Variants in SMARCA2 observed in about 807,000 individuals in gnomAD.
SMARCA2 encodes the protein SWI/SNF-related matrix-associated actin-dependent regulator of chromatin subfamily A member 2.
SMARCA2 carries 61 observed loss-of-function variants against 199.8 expected under a neutral mutation model. The ratio of observed to expected loss-of-function variants is 0.31; its 90% CI spans 0.25 to 0.38. The LOEUF is 0.38. Ranked by LOEUF, SMARCA2 falls within the 10% of genes least tolerant of loss-of-function variation. SMARCA2 has a pLI of 1.00. For synonymous variants in SMARCA2, 935 were observed against 732.0 expected (o/e 1.28, Z -4.48); for missense variants, 1,344 against 2,012.2 (o/e 0.67, Z 6.35).
intron 33 of SMARCA2, 45 bp downstream of exon 33, chr9:2,191,453 C>G: frequency 1.2e-6 from 2 of 1,605,610 alleles, no homozygotes; most frequent in Non-Finnish European, 8.5e-7. Flanking sequence ...GCCCTCTCCC[C>G]TGCTTGCTGG....
chr9:2,081,339 A>G (rs1002772189), intron 14 of SMARCA2, among the ~76,000 whole-genome samples: 2 of 152,214 alleles, frequency 1.3e-5, no homozygotes, highest in African/African-American at 4.8e-5. Context: ...TCTCTCTGCC[A>G]GGAAGAGAAA....
At chr9:2,121,689 G>T (rs1823469370) in intron 26 of SMARCA2, among the ~76,000 whole-genome samples, 1 of 152,142 alleles carries the variant, frequency 6.6e-6, no homozygotes, top group African/African-American at 2.4e-5. Context: ...GTTTACACAT[G>T]ATAAGCAGAT....
intron 27 of SMARCA2, among the ~76,000 whole-genome samples, chr9:2,153,628 TTACTG>T (rs1205880000): frequency 5.9e-5 from 9 of 152,376 alleles, no homozygotes; most frequent in African/African-American, 2.2e-4. Context: ...ATATTTTAAA[TTACTG>T]TACTAAGCAA....
Position 2,170,691 on chromosome 9 carries a change from A to G in SMARCA2, c.4253+219A>G, listed in dbSNP as rs3793513. ...ATTTTAATCTGGCTGTGCCAATTCT[A>G]TACATGCACTCCTTACAAGGGTATT... is the stretch of plus-strand genomic sequence containing the variant. On this transcript the variant is annotated intron_variant, in intron 29 of 33. Coordinates refer to ENST00000349721, the MANE Select transcript of SMARCA2 (RefSeq NM_003070.5). This position sits in a 1 kb window ranked among gnomAD's most constrained non-coding sequence, Gnocchi z 4.7. Among the ~76,000 whole-genome samples, 346 of 152,262 alleles carry G rather than the reference A, an allele frequency of 2.3e-3. 9 individuals carry two copies. The East Asian group carries it at 0.061, about 27-fold the overall frequency.
Position 2,192,882 on chromosome 9 carries a change from C to CAAACATATGATATCATGGTGTA in SMARCA2, c.*147_*168dup, listed in dbSNP as rs1309006811. The CAAACATATGATATCATGGTGTA allele has an allele frequency of 1.5e-4, 97 of 664,534 alleles. No homozygotes were observed. The highest frequency in any genetic ancestry group is 2.4e-4 in the Non-Finnish European group (90 of 367,800). 41.2% of individuals were successfully genotyped at this position (664,534 alleles called of 1,614,324 possible). A position where few individuals can be genotyped will look rare whatever the true frequency, so the allele number is the denominator to read the frequency against. ...AAACTAGCTTTAGGATAGTGCCAGA[C>CAAACATATGATATCATGGTGTA]AAACATATGATATCATGGTGTAAAA... is the stretch of plus-strand genomic sequence containing the variant. On this transcript the variant is annotated 3_prime_UTR_variant, in exon 34 of 34. Transcript: ENST00000349721.
chr9:2,034,988 T>G (rs1011630392), intron 3 of SMARCA2, among the ~76,000 whole-genome samples: 11 of 151,946 alleles, frequency 7.2e-5, no homozygotes, highest in Non-Finnish European at 1.0e-4. Context: ...GCCAAGTATG[T>G]TCATGGAGCT....
chr9:2,176,294 G>A (rs1011320616), intron 29 of SMARCA2, among the ~76,000 whole-genome samples: 1 of 148,032 alleles, frequency 6.8e-6, no homozygotes, highest in Non-Finnish European at 1.5e-5. Flanking sequence ...ACTGTTAAAC[G>A]TTTTGGCTGC....
At chr9:2,082,965 A>G (rs1183242705) in intron 15 of SMARCA2, among the ~76,000 whole-genome samples, 2 of 152,090 alleles carry the variant, frequency 1.3e-5, no homozygotes, top group Non-Finnish European at 2.9e-5. Flanking sequence ...TTATGTTTTC[A>G]TGTGGTTTTA....
intron 22 of SMARCA2, 33 bp downstream of exon 22, chr9:2,101,649 A>C (rs752366445): frequency 1.6e-6 from 2 of 1,217,080 alleles, no homozygotes; most frequent in Non-Finnish European, 2.4e-6. Flanking sequence ...TTTTAAAAAA[A>C]AATGTTGTTG....
intron 19 of SMARCA2, among the ~76,000 whole-genome samples, chr9:2,090,465 A>G (rs1475080377): frequency 1.3e-5 from 2 of 152,146 alleles, no homozygotes; most frequent in Admixed American, 1.3e-4. Flanking sequence ...ATCTCTTACT[A>G]TGTGAACTTG....
chr9:2,149,516 CA>C (rs1248547857), intron 27 of SMARCA2, among the ~76,000 whole-genome samples: 1 of 151,200 alleles, frequency 6.6e-6, no homozygotes, highest in East Asian at 1.9e-4. Context: ...TGAGACTCCT[CA>C]AAAAAACAAC....
intron 28 of SMARCA2, chr9:2,162,717 G>C (rs1192205105): frequency 6.6e-6 from 1 of 152,154 alleles, no homozygotes; most frequent in Non-Finnish European, 1.5e-5. Flanking sequence ...GTTGCATAGT[G>C]GTATTAATCA....
At chr9:2,065,927 T>C (rs1308433574) in intron 9 of SMARCA2, among the ~76,000 whole-genome samples, 1 of 152,248 alleles carries the variant, frequency 6.6e-6, no homozygotes, top group East Asian at 1.9e-4. Context: ...CCTGTTTAAC[T>C]GGATTGACCA....
Position 2,097,265 on chromosome 9 carries a change from G to A in SMARCA2, c.2992-120G>A, listed in dbSNP as rs1262292137. 1.4e-5 allele frequency: 9 copies of A among 643,010 alleles called. 1 individual carries two copies. In the Admixed American group the frequency reaches 1.5e-4, roughly 11 times the overall value. The allele number at this position is 643,010 out of a possible 1,614,324, so 39.8% of individuals were successfully genotyped here. On this transcript the variant is annotated intron_variant, in intron 20 of 33. Coordinates refer to ENST00000349721, the MANE Select transcript of SMARCA2 (RefSeq NM_003070.5). ...AAAGAAGCTTTGAACCACAAGGTGTGTAGGTGACTGAAAAAACCTATGGTC... is the reference window on the plus strand; with the variant it reads ...AAAGAAGCTTTGAACCACAAGGTGTATAGGTGACTGAAAAAACCTATGGTC...
At chr9:2,167,940 T>C (rs1034262261) in intron 28 of SMARCA2, among the ~76,000 whole-genome samples, 6 of 152,116 alleles carry the variant, frequency 3.9e-5, no homozygotes, top group African/African-American at 1.4e-4. Context: ...TGAGCCCCAT[T>C]ATCTGAGGAT....
At chr9:2,113,532 T>A (rs192311063) in intron 24 of SMARCA2, among the ~76,000 whole-genome samples, 2 of 152,344 alleles carry the variant, frequency 1.3e-5, no homozygotes, top group East Asian at 3.9e-4. Context: ...CACTTCTTTG[T>A]CACAATATTC....
intron 9 of SMARCA2, among the ~76,000 whole-genome samples, chr9:2,064,123 A>G (rs1344221625): frequency 6.6e-6 from 1 of 152,266 alleles, no homozygotes; most frequent in Admixed American, 6.5e-5. Context: ...CCTACAGGGT[A>G]CAAAAGAGAA....
chr9:2,069,558 CAAA>C (rs561673372), intron 9 of SMARCA2, among the ~76,000 whole-genome samples: 2 of 94,550 alleles, frequency 2.1e-5, no homozygotes, highest in African/African-American at 3.6e-5. Flanking sequence ...GACTCTGTCT[CAAA>C]AAAAAAAAAA....
chr9:2,073,750 A>G, intron 12 of SMARCA2, 127 bp downstream of exon 12: 1 of 686,360 alleles, frequency 1.5e-6, no homozygotes, highest in East Asian at 2.7e-5. Flanking sequence ...CCTTTGGGTG[A>G]CAGCTGGGGC....
Sources: gnomAD v4.1 joint callset for allele counts (sites outside exome capture counted in the v4.1 genomes callset) on GRCh38, gnomAD v4.1.1 for gene constraint, Gnocchi (gnomAD v3.1) non-coding constraint, MANE v1.5 for transcripts, NCBI Gene and HGNC (gene_info 2026-07-23, HGNC 2026-07-21) for gene names.